DOK5: variants seen among roughly 807,000 people sequenced by gnomAD.
DOK5 encodes downstream of tyrosine kinase 5.
In DOK5, 27 loss-of-function variants were observed where a neutral mutation model predicts 43.3. That is an observed-to-expected ratio of 0.62 (90% CI 0.46 to 0.86). The LOEUF is 0.86. Ranked by LOEUF, DOK5 falls within the 40% of genes least tolerant of loss-of-function variation. The probability of loss-of-function intolerance (pLI) is 0.00; values close to 1 mark genes in which losing one functional copy is unlikely to be tolerated. For synonymous variants in DOK5, 146 were observed against 140.1 expected, an observed-to-expected ratio of 1.04 and a Z score of -0.30; for missense variants, 373 against 392.9, an observed-to-expected ratio of 0.95 and a Z score of 0.43.
At chr20:54,506,899 C>T (rs750395143) in intron 1 of DOK5, among the ~76,000 whole-genome samples, 6 of 152,152 alleles carry the variant, frequency 3.9e-5, no homozygotes, top group South Asian at 4.1e-4. Context: ...GTGCAGCTTT[C>T]GGGGAATCAC....
At chr20:54,480,853 T>G (rs560966331) in intron 1 of DOK5, among the ~76,000 whole-genome samples, 1 of 152,250 alleles carries the variant, frequency 6.6e-6, no homozygotes, top group South Asian at 2.1e-4. Flanking sequence ...TCTCACCTCC[T>G]TCAGCCTTTT....
At chr20:54,599,909 T>C (rs959322145) in intron 5 of DOK5, among the ~76,000 whole-genome samples, 1 of 152,164 alleles carries the variant, frequency 6.6e-6, no homozygotes, top group Non-Finnish European at 1.5e-5. Flanking sequence ...GAGAGAGATA[T>C]AGACAATGAT....
intron 1 of DOK5, among the ~76,000 whole-genome samples, chr20:54,516,289 T>A (rs780437546): frequency 6.6e-6 from 1 of 152,164 alleles, no homozygotes; most frequent in Non-Finnish European, 1.5e-5. Flanking sequence ...GAAAATGATG[T>A]GGGGGTTGTT....
In DOK5 at chr20:54,643,438, T is replaced by C. The variant is rs1259756403; in HGVS notation, c.736-20T>C. 6.2e-7 allele frequency: 1 copy of C among 1,612,444 alleles called. No individual in the cohort carries two copies. Among genetic ancestry groups the C allele is most frequent in the South Asian group, 1.1e-5 (1 of 91,042 alleles). On this transcript the variant is annotated intron_variant, in intron 6 of 7. Transcript: ENST00000262593. ...GGCCCCAGTGTTGCTGACGCACAAC[T>C]TTCTTCCCTTTGGCTGCAGCTCCAG... is the stretch of plus-strand genomic sequence containing the variant.
chr20:54,644,142 C>A (rs1032555508), intron 7 of DOK5, among the ~76,000 whole-genome samples: 8 of 152,198 alleles, frequency 5.3e-5, no homozygotes, highest in Admixed American at 3.9e-4. Context: ...GGGCCCTGGA[C>A]TGAGGCCAGA....
rs1982366924 is a variant in DOK5, at chr20:54,495,756, C to A, written c.66+19744C>A. Among the ~76,000 whole-genome samples, 3 of 152,176 alleles carry A rather than the reference C, an allele frequency of 2.0e-5. No individual in the cohort carries two copies. In the South Asian group the frequency reaches 6.2e-4, roughly 32 times the overall value. ...AATTAGCCGGGTATGATGGTGGGTGCCTGTAATTCCAGCTACTTGGGAGGC... is the reference window on the plus strand; with the variant it reads ...AATTAGCCGGGTATGATGGTGGGTGACTGTAATTCCAGCTACTTGGGAGGC... On this transcript the variant is annotated intron_variant, in intron 1 of 7. Transcript: ENST00000262593.
chr20:54,557,820 C>A (rs1034058280), intron 2 of DOK5, among the ~76,000 whole-genome samples: 2 of 152,216 alleles, frequency 1.3e-5, no homozygotes, highest in African/African-American at 4.8e-5. Flanking sequence ...CTACTCACTG[C>A]CTTCCACATC....
rs774382790 is a variant in DOK5, at chr20:54,555,056, T to C, written c.174+16T>C. The C allele has an allele frequency of 1.3e-5, 20 of 1,548,958 alleles. No homozygotes were observed. Among genetic ancestry groups the C allele is most frequent in the Non-Finnish European group, 1.7e-5 (19 of 1,120,858 alleles). On this transcript the variant is annotated intron_variant, in intron 2 of 7. Coordinates refer to ENST00000262593, the MANE Select transcript of DOK5 (RefSeq NM_018431.5). ...TTATCATAAGGTAAGACTCAATTGC[T>C]GTAGCTTTCCAGTAATCTATTTACA...
Position 54,558,750 on chromosome 20 carries a change from A to G in DOK5, c.174+3710A>G, listed in dbSNP as rs527256671. Among the ~76,000 whole-genome samples, 5 of 152,304 alleles carry G rather than the reference A, an allele frequency of 3.3e-5. No individual in the cohort carries two copies. The South Asian group carries it at 1.0e-3, about 32-fold the overall frequency. ...TGCAGACATATCCCTCCCATAGGAA[A>G]TCTTAGCCTTTATAAGAGCACAGTA... On this transcript the variant is annotated intron_variant, in intron 2 of 7. Coordinates refer to ENST00000262593, the MANE Select transcript of DOK5 (RefSeq NM_018431.5).
chr20:54,583,018 T>G (rs1043978172), intron 2 of DOK5, among the ~76,000 whole-genome samples: 1 of 152,086 alleles, frequency 6.6e-6, no homozygotes, highest in Non-Finnish European at 1.5e-5. Flanking sequence ...ATAATCTTCT[T>G]TTTTAGTATT....
At chr20:54,491,611 C>T (rs367586591) in intron 1 of DOK5, among the ~76,000 whole-genome samples, 2 of 152,108 alleles carry the variant, frequency 1.3e-5, no homozygotes, top group South Asian at 4.1e-4. Flanking sequence ...GCTTCCGCTG[C>T]GGAAGATGGA....
In DOK5 at chr20:54,641,500, T is replaced by A. The variant is rs6023444; in HGVS notation, c.736-1958T>A. The stretch of plus-strand genomic sequence containing the variant: ...TTTTCTTTAAGAGATTGGAAATTTT[T>A]AAAAAAAAAATCCTAACATGGGCAT... On this transcript the variant is annotated intron_variant, in intron 6 of 7. Transcript: ENST00000262593. Among the ~76,000 whole-genome samples the A allele has an allele frequency of 5.0e-3, 738 of 148,452 alleles. 5 individuals carry two copies. Among genetic ancestry groups the A allele is most frequent in the African/African-American group, 0.017 (686 of 40,564 alleles).
At chr20:54,498,840 A>G (rs922761170) in intron 1 of DOK5, among the ~76,000 whole-genome samples, 1 of 152,238 alleles carries the variant, frequency 6.6e-6, no homozygotes, top group Non-Finnish European at 1.5e-5. Context: ...CCCCTGTGGA[A>G]GAATAAAGCC....
chr20:54,597,874 T>C (rs1986189973), intron 5 of DOK5, among the ~76,000 whole-genome samples: 1 of 152,306 alleles, frequency 6.6e-6, no homozygotes, highest in South Asian at 2.1e-4. Flanking sequence ...CTAAATCCAT[T>C]TTGGATGATC....
At chr20:54,591,120 T>C (rs1289916325) in intron 4 of DOK5, among the ~76,000 whole-genome samples, 3 of 152,256 alleles carry the variant, frequency 2.0e-5, no homozygotes, top group African/African-American at 7.2e-5. Flanking sequence ...TGTGGCATTT[T>C]GTTTAAATGA....
chr20:54,500,211 T>C (rs1982544029), intron 1 of DOK5, among the ~76,000 whole-genome samples: 1 of 152,192 alleles, frequency 6.6e-6, no homozygotes, highest in Non-Finnish European at 1.5e-5. Flanking sequence ...GAGCACTCTT[T>C]GTGGGTTTAT....
At chr20:54,646,009 CAAAT>C (rs1979402883) in intron 7 of DOK5, among the ~76,000 whole-genome samples, 1 of 141,948 alleles carries the variant, frequency 7.0e-6, no homozygotes, top group Non-Finnish European at 1.5e-5. Flanking sequence ...TAATAATTGA[CAAAT>C]AAGCTTACCT....
At chr20:54,576,175 C>T (rs10485784) in intron 2 of DOK5, among the ~76,000 whole-genome samples, 10,180 of 152,040 alleles carry the variant, frequency 0.067, 375 homozygotes, top group Middle Eastern at 0.099. Flanking sequence ...TATCAAAAGA[C>T]GATGCCTTAG....
intron 6 of DOK5, among the ~76,000 whole-genome samples, chr20:54,636,092 G>C (rs759311955): frequency 3.3e-5 from 5 of 152,176 alleles, no homozygotes; most frequent in Non-Finnish European, 7.3e-5. Flanking sequence ...ACCTACTCCT[G>C]CAATAATACA....
Sources: gnomAD v4.1 joint callset for allele counts (sites outside exome capture counted in the v4.1 genomes callset) on GRCh38, gnomAD v4.1.1 for gene constraint, MANE v1.5 for transcripts, NCBI Gene and HGNC (gene_info 2026-07-23, HGNC 2026-07-21) for gene names.